SFSWAP: variants seen among roughly 807,000 people sequenced by gnomAD.
SFSWAP encodes splicing factor, suppressor of white-apricot homolog.
Under a neutral mutation model 100.7 loss-of-function variants are expected in SFSWAP, and 17 were observed. The ratio of observed to expected loss-of-function variants is 0.17; its 90% CI spans 0.12 to 0.25. The LOEUF is 0.25. SFSWAP is among the 10% of genes least tolerant of loss of function. SFSWAP has a pLI of 1.00. For synonymous variants in SFSWAP, 504 were observed against 510.1 expected (o/e 0.99, Z 0.16); for missense variants, 1,005 against 1,262.6 (o/e 0.80, Z 3.09).
At chr12:131,729,943 C>T (rs2398555) in intron 7 of SFSWAP, among the ~76,000 whole-genome samples, 110,193 of 152,174 alleles carry the variant, frequency 0.72, 42,292 homozygotes, top group East Asian at 0.95. Context: ...CTTTAAAAAA[C>T]TAGTTACTAG....
At chr12:131,744,865 AC>A (rs1238278677) in intron 7 of SFSWAP, among the ~76,000 whole-genome samples, 1 of 152,206 alleles carries the variant, frequency 6.6e-6, no homozygotes, top group Non-Finnish European at 1.5e-5. Context: ...GTCATGTCTT[AC>A]ATGGATGGCA....
chr12:131,748,821 A>G (rs1372718386), intron 7 of SFSWAP, among the ~76,000 whole-genome samples: 1 of 152,200 alleles, frequency 6.6e-6, no homozygotes. Context: ...CTGTGTAGGT[A>G]CCTATTGGAA....
In SFSWAP at chr12:131,728,357, G is replaced by A. The variant is rs1027136576; in HGVS notation, c.1010G>A (p.Ser337Asn). The change falls in exon 7 of 18, where the codon AGT (serine) becomes AAT (asparagine). Residue 337 changes from serine (S) to asparagine (N), a missense_variant. By Grantham distance (46) the Ser-to-Asn change is conservative. Transcript: ENST00000261674. ...AALVRKAQAD[S>N]STPTPHNADG... ...CTTGTTCGTAAGGCACAGGCTGACA[G>A]TTCCACTCCCACCCCACACAACGCA... 1 of 1,614,228 alleles carries A rather than the reference G, an allele frequency of 6.2e-7. No homozygotes were observed. The highest frequency in any genetic ancestry group is 8.5e-7 in the Non-Finnish European group (1 of 1,180,042).
In SFSWAP at chr12:131,719,130, G is replaced by A. The variant is rs116522297; in HGVS notation, c.521-324G>A. On this transcript the variant is annotated intron_variant, in intron 3 of 17. Coordinates refer to ENST00000261674, the MANE Select transcript of SFSWAP (RefSeq NM_004592.4). ...TTCAAATGGACCAAATGCAGAATTC[G>A]AGCACGTGTGGATATTGGTGTCTGC... 4.8e-3 allele frequency among the ~76,000 whole-genome samples: 725 copies of A among 152,192 alleles called. 8 individuals are homozygous for A. The highest frequency in any genetic ancestry group is 0.016 in the African/African-American group (649 of 41,512).
intron 7 of SFSWAP, among the ~76,000 whole-genome samples, chr12:131,742,335 A>G (rs1880720975): frequency 6.6e-6 from 1 of 152,096 alleles, no homozygotes; most frequent in African/African-American, 2.4e-5. Context: ...AGTCTTCAAA[A>G]CCTCAGTACA....
intron 7 of SFSWAP, among the ~76,000 whole-genome samples, chr12:131,729,417 T>A (rs1293484632): frequency 2.6e-5 from 4 of 152,128 alleles, no homozygotes; most frequent in African/African-American, 9.7e-5. Context: ...GGTGAGAGGA[T>A]GGCTTAGCCC....
chr12:131,781,603 C>T (rs549776446), intron 14 of SFSWAP, among the ~76,000 whole-genome samples: 10 of 152,246 alleles, frequency 6.6e-5, no homozygotes, highest in African/African-American at 2.2e-4. Flanking sequence ...TTGTTTGTAA[C>T]TTTCAGTTAA....
chr12:131,749,695 C>T (rs1006457282), intron 7 of SFSWAP, among the ~76,000 whole-genome samples: 6 of 152,198 alleles, frequency 3.9e-5, no homozygotes, highest in South Asian at 2.1e-4. Flanking sequence ...CAGTCCAGGC[C>T]GTGCCACCAG....
chr12:131,734,993 C>T lies in SFSWAP; in HGVS notation c.1081+6565C>T, dbSNP rs946566421. On this transcript the variant is annotated intron_variant, in intron 7 of 17. Coordinates refer to ENST00000261674, the MANE Select transcript of SFSWAP (RefSeq NM_004592.4). The surrounding 1 kb of genome is among the most constrained non-coding windows in gnomAD (Gnocchi z 4.9). ...CTGTCCGTGAAGGTGACGCTCATAC[C>T]GTAACCTTAGCAGCAGGCTGTTGCC... 3.3e-5 allele frequency among the ~76,000 whole-genome samples: 5 copies of T among 152,270 alleles called. No individual in the cohort carries two copies. Among genetic ancestry groups the T allele is most frequent in the East Asian group, 1.9e-4 (1 of 5,184 alleles).
At chr12:131,713,521 GT>G (rs1877587394) in intron 1 of SFSWAP, 1 of 152,342 alleles carries the variant, frequency 6.6e-6, no homozygotes, top group African/African-American at 2.4e-5. Context: ...CCTCAGCCAA[GT>G]GGCTAGGGGG....
intron 3 of SFSWAP, among the ~76,000 whole-genome samples, chr12:131,719,199 G>C (rs192708412): frequency 6.6e-6 from 1 of 152,096 alleles, no homozygotes; most frequent in African/African-American, 2.4e-5. Flanking sequence ...AGGGAATACC[G>C]TGCAGTCTGA....
chr12:131,743,530 G>A (rs900359147), intron 7 of SFSWAP, among the ~76,000 whole-genome samples: 5 of 152,270 alleles, frequency 3.3e-5, no homozygotes, highest in East Asian at 3.8e-4. Context: ...GATGCAAGAG[G>A]TGTGTTCCCA....
rs1186665121 is a variant in SFSWAP, at chr12:131,799,113, A to G, written c.2790+4A>G. 3.1e-6 allele frequency: 5 copies of G among 1,611,816 alleles called. No homozygotes were observed. Among genetic ancestry groups the G allele is most frequent in the African/African-American group, 1.3e-5 (1 of 74,888 alleles). ...CGTGCAGAGCAAAATCACTCAGGTC[A>G]GTGGGCACGCCCCCCTCCCGCTCCC... On this transcript the variant is annotated splice_donor_region_variant and intron_variant, in intron 17 of 17. Coordinates refer to ENST00000261674, the MANE Select transcript of SFSWAP (RefSeq NM_004592.4).
At chr12:131,722,560 A>G (rs1260372016) in intron 4 of SFSWAP, among the ~76,000 whole-genome samples, 2 of 152,188 alleles carry the variant, frequency 1.3e-5, no homozygotes, top group African/African-American at 2.4e-5. Context: ...CTGTTGATGA[A>G]TAATAACATA....
rs775614957 is a variant in SFSWAP, at chr12:131,726,920, A to G, written c.833-20A>G. On this transcript the variant is annotated intron_variant, in intron 5 of 17. Transcript: ENST00000261674. Reference sequence around the variant, plus strand: ...TTTCTCACCAAACACCAAAATCTTGAAATGTGATTTTGATTTCAGAATCAG... The same window carrying G: ...TTTCTCACCAAACACCAAAATCTTGGAATGTGATTTTGATTTCAGAATCAG... The G allele has an allele frequency of 2.1e-6, 3 of 1,431,858 alleles. No homozygotes were observed. The highest frequency in any genetic ancestry group is 2.9e-6 in the Non-Finnish European group (3 of 1,024,034). 88.7% of individuals were successfully genotyped at this position (1,431,858 alleles called of 1,614,324 possible). A position where few individuals can be genotyped will look rare whatever the true frequency, so the allele number is the denominator to read the frequency against.
intron 13 of SFSWAP, among the ~76,000 whole-genome samples, chr12:131,769,749 C>G (rs892701863): frequency 6.6e-6 from 1 of 152,206 alleles, no homozygotes; most frequent in Non-Finnish European, 1.5e-5. Context: ...GCCTCAGCCT[C>G]CCGAGTAGCT....
Position 131,711,631 on chromosome 12 carries a change from C to T in SFSWAP, c.218+184C>T, listed in dbSNP as rs1338086528. ...TGGGGAGGGGGACGGTGAAACCTGC[C>T]CTAAGGCACTGGCTGGAATTGCGTG... On this transcript the variant is annotated intron_variant, in intron 1 of 17. Transcript: ENST00000261674. The surrounding 1 kb of genome is among the most constrained non-coding windows in gnomAD (Gnocchi z 4.9). 3.4e-6 allele frequency: 2 copies of T among 596,978 alleles called. No homozygotes were observed. The highest frequency in any genetic ancestry group is 2.8e-5 in the East Asian group (1 of 35,236). The allele number at this position is 596,978 out of a possible 1,614,324, so 37.0% of individuals were successfully genotyped here.
intron 5 of SFSWAP, among the ~76,000 whole-genome samples, chr12:131,726,399 A>G (rs112120240): frequency 5.3e-5 from 8 of 152,108 alleles, no homozygotes; most frequent in Non-Finnish European, 7.4e-5. Context: ...TAGTAGAGAC[A>G]AGGTTTCACC....
intron 15 of SFSWAP, among the ~76,000 whole-genome samples, chr12:131,793,319 A>G (rs11246810): frequency 0.076 from 11,500 of 152,110 alleles, 534 homozygotes; most frequent in South Asian, 0.22. Flanking sequence ...CCCAGGCTCA[A>G]GCAGTCCTCC....
Sources: gnomAD v4.1 joint callset for allele counts (sites outside exome capture counted in the v4.1 genomes callset) on GRCh38, gnomAD v4.1.1 for gene constraint, Gnocchi (gnomAD v3.1) non-coding constraint, MANE v1.5 for transcripts, NCBI Gene and HGNC (gene_info 2026-07-23, HGNC 2026-07-21) for gene names.